Variants in SLC25A21 observed in about 807,000 individuals in gnomAD.
The protein encoded by SLC25A21 is mitochondrial 2-oxodicarboxylate carrier.
In SLC25A21, 47 loss-of-function variants were observed where a neutral mutation model predicts 43.8. That is an observed-to-expected ratio of 1.07 (90% CI 0.85 to 1.37). The LOEUF is 1.37. Among genes scored for constraint, SLC25A21 ranks in the 40% most tolerant of loss-of-function variants. SLC25A21 has a pLI of 0.00. For synonymous variants in SLC25A21, 131 were observed against 121.3 expected (o/e 1.08, Z -0.52); for missense variants, 352 against 350.2 (o/e 1.00, Z -0.04).
chr14:37,172,113 G>A lies in SLC25A21; in HGVS notation c.70+168C>T, dbSNP rs564212041. Reference sequence around the variant, plus strand: ...CACCCACTACTCGCAATCAACTCCCGGCCTCCTCTGCTCTCGCGCCTCTAG... The same window carrying A: ...CACCCACTACTCGCAATCAACTCCCAGCCTCCTCTGCTCTCGCGCCTCTAG... On this transcript the variant is annotated intron_variant, in intron 1 of 9. Coordinates refer to ENST00000331299, the MANE Select transcript of SLC25A21 (RefSeq NM_030631.4). 2.8e-4 allele frequency: 191 copies of A among 684,204 alleles called. 4 individuals are homozygous for A. The South Asian group carries it at 3.7e-3, about 13-fold the overall frequency. 42.4% of individuals were successfully genotyped at this position (684,204 alleles called of 1,614,324 possible). A position where few individuals can be genotyped will look rare whatever the true frequency, so the allele number is the denominator to read the frequency against.
Position 36,943,497 on chromosome 14 carries a change from G to A in SLC25A21, c.71-68493C>T, listed in dbSNP as rs112642207. ...CATAAGTCACCGCACCTGGCCCTAGGCTTGTTTTGTATCATGTCTTAGACA... is the reference window on the plus strand; with the variant it reads ...CATAAGTCACCGCACCTGGCCCTAGACTTGTTTTGTATCATGTCTTAGACA... On this transcript the variant is annotated intron_variant, in intron 1 of 9. Transcript: ENST00000331299. Among the ~76,000 whole-genome samples, 568 of 152,230 alleles carry A rather than the reference G, an allele frequency of 3.7e-3. 4 individuals carry two copies. The highest frequency in any genetic ancestry group is 0.013 in the African/African-American group (538 of 41,536).
chr14:37,133,044 T>C (rs1283280051), intron 1 of SLC25A21, among the ~76,000 whole-genome samples: 2 of 152,098 alleles, frequency 1.3e-5, no homozygotes, highest in African/African-American at 2.4e-5. Context: ...AACAGGGCTA[T>C]GAATGGGGGG....
At chr14:37,147,267 T>C (rs969572954) in intron 1 of SLC25A21, among the ~76,000 whole-genome samples, 3 of 152,248 alleles carry the variant, frequency 2.0e-5, no homozygotes, top group African/African-American at 7.2e-5. Flanking sequence ...TAGTAATTCT[T>C]TTAACAGACA....
At chr14:36,919,614 TCTATCTAC>T (rs142943544) in intron 1 of SLC25A21, among the ~76,000 whole-genome samples, 36,020 of 104,852 alleles carry the variant, frequency 0.34, 4,677 homozygotes, top group Admixed American at 0.37. Flanking sequence ...TTCAAGATTA[TCTATCTAC>T]CTATCTATCT....
At chr14:36,926,012 T>C (rs1339413571) in intron 1 of SLC25A21, among the ~76,000 whole-genome samples, 1 of 152,166 alleles carries the variant, frequency 6.6e-6, no homozygotes, top group Non-Finnish European at 1.5e-5. Flanking sequence ...CTTGACCATA[T>C]TGGCATGTAT....
chr14:37,156,318 A>G (rs1234904925), intron 1 of SLC25A21, among the ~76,000 whole-genome samples: 3 of 152,048 alleles, frequency 2.0e-5, no homozygotes, highest in Non-Finnish European at 2.9e-5. Context: ...CTGGGAAAAT[A>G]AAATTAATTA....
At chr14:37,078,356 C>T (rs1388232053) in intron 1 of SLC25A21, among the ~76,000 whole-genome samples, 1 of 152,052 alleles carries the variant, frequency 6.6e-6, no homozygotes, top group Non-Finnish European at 1.5e-5. Context: ...CAAAAGAATG[C>T]AAACCACATT....
intron 2 of SLC25A21, among the ~76,000 whole-genome samples, chr14:36,857,735 T>C (rs183494149): frequency 6.6e-6 from 1 of 152,270 alleles, no homozygotes; most frequent in East Asian, 1.9e-4. Flanking sequence ...TGCCCAGAGG[T>C]GCTGACATCA....
At chr14:36,905,264 T>C (rs547163521) in intron 1 of SLC25A21, among the ~76,000 whole-genome samples, 2 of 152,344 alleles carry the variant, frequency 1.3e-5, no homozygotes, top group East Asian at 1.9e-4. Flanking sequence ...TTCAGCAGAA[T>C]AGGCTGTAGG....
chr14:37,021,893 G>A (rs72667380), intron 1 of SLC25A21, among the ~76,000 whole-genome samples: 20,150 of 151,800 alleles, frequency 0.13, 1,513 homozygotes, highest in African/African-American at 0.2. Flanking sequence ...ATTCTAACAA[G>A]CCCAACAAAG....
rs562444541 is a variant in SLC25A21 at position 36,698,987 on chromosome 14, G to T, written c.603+12331C>A. On this transcript the variant is annotated intron_variant, in intron 7 of 9. Coordinates refer to ENST00000331299, the MANE Select transcript of SLC25A21 (RefSeq NM_030631.4). ...GCTGGCAAGGAGCTGCGATCTTTTG[G>T]AGGAGTAGAAGCACTCTGATTTTTA... 2.6e-5 allele frequency among the ~76,000 whole-genome samples: 4 copies of T among 152,242 alleles called. No homozygotes were observed. In the East Asian group the frequency reaches 7.7e-4, roughly 29 times the overall value.
intron 1 of SLC25A21, among the ~76,000 whole-genome samples, chr14:37,043,464 CCTT>C (rs1163084228): frequency 9.2e-5 from 14 of 152,214 alleles, no homozygotes; most frequent in African/African-American, 3.4e-4. Context: ...TGTGAGCCCT[CCTT>C]ACTATCACCT....
Position 36,731,645 on chromosome 14 carries a change from T to A in SLC25A21, c.271-2079A>T, listed in dbSNP as rs1371073716. On this transcript the variant is annotated intron_variant, in intron 4 of 9. Coordinates refer to ENST00000331299, the MANE Select transcript of SLC25A21 (RefSeq NM_030631.4). ...TCTGGCTGGTGGGAATAGGCACTAT[T>A]CTCAGCCCCATGTGACTGCTGAGCA... Among the ~76,000 whole-genome samples the A allele has an allele frequency of 2.0e-5, 3 of 152,200 alleles. No individual in the cohort carries two copies. In the East Asian group the frequency reaches 5.8e-4, roughly 29 times the overall value.
intron 1 of SLC25A21, among the ~76,000 whole-genome samples, chr14:36,968,079 T>C (rs1319739190): frequency 6.6e-6 from 1 of 151,676 alleles, no homozygotes; most frequent in African/African-American, 2.4e-5. Flanking sequence ...GTAGTGGAGG[T>C]AACAGCATGT....
chr14:36,940,302 C>A (rs181188962), intron 1 of SLC25A21, among the ~76,000 whole-genome samples: 2 of 152,016 alleles, frequency 1.3e-5, no homozygotes, highest in Admixed American at 1.3e-4. Context: ...GGAAATGACA[C>A]TATGTTTATT....
In SLC25A21 at chr14:37,020,077, T is replaced by C. The variant is rs568257665; in HGVS notation, c.71-145073A>G. On this transcript the variant is annotated intron_variant, in intron 1 of 9. Transcript: ENST00000331299. Reference sequence around the variant, plus strand: ...AACATTTAGTATAAATTCAAATACATTCTAAAGTTAAACTCTTATAAATAA... The same window carrying C: ...AACATTTAGTATAAATTCAAATACACTCTAAAGTTAAACTCTTATAAATAA... Among the ~76,000 whole-genome samples the C allele has an allele frequency of 2.6e-5, 4 of 152,044 alleles. No individual in the cohort carries two copies. In the East Asian group the frequency reaches 7.7e-4, roughly 29 times the overall value.
At chr14:36,927,775 A>G (rs1212599408) in intron 1 of SLC25A21, among the ~76,000 whole-genome samples, 1 of 152,184 alleles carries the variant, frequency 6.6e-6, no homozygotes, top group East Asian at 1.9e-4. Context: ...CAACCAGCTG[A>G]CTTAAATCCA....
chr14:37,146,179 A>G (rs1230173387), intron 1 of SLC25A21, among the ~76,000 whole-genome samples: 2 of 152,246 alleles, frequency 1.3e-5, no homozygotes, highest in African/African-American at 4.8e-5. Flanking sequence ...TCATTCATCT[A>G]TTCATTCGAC....
At chr14:36,757,037 T>C (rs140778481) in intron 3 of SLC25A21, among the ~76,000 whole-genome samples, 190 of 149,666 alleles carry the variant, frequency 1.3e-3, no homozygotes, top group African/African-American at 4.5e-3. Context: ...GCAGATCACT[T>C]GAGCCCAAGG....
Sources: allele counts gnomAD v4.1 joint callset (sites outside exome capture counted in the v4.1 genomes callset), GRCh38; gene constraint gnomAD v4.1.1; transcripts MANE v1.5; gene names NCBI Gene and HGNC (gene_info 2026-07-23, HGNC 2026-07-21).